NBAS: variants seen among roughly 807,000 people sequenced by gnomAD.
NBAS encodes the protein NAG/BC035112 fusion.
In NBAS, 219 loss-of-function variants were observed where a neutral mutation model predicts 302.5. The ratio of observed to expected loss-of-function variants is 0.72; its 90% confidence interval spans 0.65 to 0.81. The LOEUF is 0.81. Ranked by LOEUF, NBAS falls within the 30% of genes least tolerant of loss-of-function variation. The pLI is 0.00. For missense variants in NBAS, 2,932 were observed against 2,841.6 expected, an observed-to-expected ratio of 1.03 and a Z score of -0.72; for synonymous variants, 1,118 against 1,021.6, an observed-to-expected ratio of 1.09 and a Z score of -1.80.
At chr2:14,864,861 T>A in the NBAS span, among the ~76,000 whole-genome samples, 1 of 152,212 alleles carries the variant, frequency 6.6e-6, no homozygotes, top group Non-Finnish European at 1.5e-5. Flanking sequence ...GAACAGAACC[T>A]GCCATGTAGT....
chr2:14,880,387 G>A, the NBAS span, among the ~76,000 whole-genome samples: 1 of 151,544 alleles, frequency 6.6e-6, no homozygotes, highest in African/African-American at 2.4e-5. Context: ...ATAAAATAAA[G>A]GAAAACTATG....
In NBAS at chr2:15,217,317, T is replaced by C. The variant is rs553231534; in HGVS notation, c.6432+1456A>G. Among the ~76,000 whole-genome samples, 60 of 152,372 alleles carry C rather than the reference T, an allele frequency of 3.9e-4. 1 individual carries two copies. Among genetic ancestry groups the C allele is most frequent in the African/African-American group, 1.4e-3 (59 of 41,600 alleles). Reference sequence around the variant, plus strand: ...GAATCTTTGATAGGTCTATCTTTTTTGAATCTCAATTTCTCTAACTCTGAA... The same window carrying C: ...GAATCTTTGATAGGTCTATCTTTTTCGAATCTCAATTTCTCTAACTCTGAA... On this transcript the variant is annotated intron_variant, in intron 48 of 51. Coordinates refer to ENST00000281513, the MANE Select transcript of NBAS (RefSeq NM_015909.4).
At chr2:15,532,686 G>A (rs567841074) in intron 9 of NBAS, among the ~76,000 whole-genome samples, 2 of 152,072 alleles carry the variant, frequency 1.3e-5, no homozygotes, top group South Asian at 4.1e-4. Context: ...TTATTTAAAT[G>A]TATGAAAACA....
At chr2:15,503,121 C>A (rs746193157) in intron 11 of NBAS, among the ~76,000 whole-genome samples, 1 of 152,128 alleles carries the variant, frequency 6.6e-6, no homozygotes, top group Non-Finnish European at 1.5e-5. Flanking sequence ...CATCTTATCC[C>A]GCTGGAAGGT....
the NBAS span, among the ~76,000 whole-genome samples, chr2:14,788,322 G>A: frequency 2.2e-4 from 34 of 152,078 alleles, no homozygotes; most frequent in East Asian, 4.5e-3. Context: ...CTCTCAACTC[G>A]TCAAAGTCAT....
chr2:15,122,595 T>C, the NBAS span, among the ~76,000 whole-genome samples: 1 of 151,896 alleles, frequency 6.6e-6, no homozygotes, highest in Admixed American at 6.6e-5. Flanking sequence ...ATCCAAACCA[T>C]ATCAAGGAGA....
chr2:15,402,503 A>G, intron 25 of NBAS, among the ~76,000 whole-genome samples: 1 of 152,172 alleles, frequency 6.6e-6, no homozygotes, highest in East Asian at 1.9e-4. Flanking sequence ...ACTATAAAAG[A>G]TAATTTGTAA....
chr2:15,253,667 T>A (rs901611498), intron 44 of NBAS, among the ~76,000 whole-genome samples: 2 of 152,200 alleles, frequency 1.3e-5, no homozygotes, highest in African/African-American at 4.8e-5. Flanking sequence ...AACTCCCCTT[T>A]GACAACAGCC....
intron 32 of NBAS, among the ~76,000 whole-genome samples, chr2:15,361,605 G>T (rs1298446666): frequency 3.9e-5 from 6 of 152,134 alleles, no homozygotes; most frequent in African/African-American, 1.4e-4. Flanking sequence ...CAAATACAAT[G>T]TAATTTGGAT....
chr2:15,179,153 G>A (rs201808500), intron 50 of NBAS, 37 bp from the exon 51 acceptor site: 23 of 1,613,368 alleles, frequency 1.4e-5, no homozygotes, highest in African/African-American at 8.0e-5. Context: ...AGAACTCCAC[G>A]ACGTACTTCT....
the NBAS span, among the ~76,000 whole-genome samples, chr2:14,912,201 G>T: frequency 4.6e-5 from 7 of 152,186 alleles, no homozygotes; most frequent in Admixed American, 1.3e-4. Context: ...GATCGCCGTT[G>T]TATATGCAGT....
intron 38 of NBAS, among the ~76,000 whole-genome samples, chr2:15,320,365 C>T (rs563393369): frequency 1.3e-5 from 2 of 152,142 alleles, no homozygotes; most frequent in Non-Finnish European, 2.9e-5. Flanking sequence ...TCTCACCACA[C>T]CTATTCAACA....
At chr2:15,292,417 C>A in intron 41 of NBAS, 120 bp downstream of exon 41, 1 of 1,032,448 alleles carries the variant, frequency 9.7e-7, no homozygotes, top group Non-Finnish European at 1.5e-6. Flanking sequence ...TGGGGAAAGC[C>A]CTATTCATAG....
At chr2:15,360,864 C>G (rs1673881618) in intron 32 of NBAS, among the ~76,000 whole-genome samples, 1 of 152,052 alleles carries the variant, frequency 6.6e-6, no homozygotes, top group Non-Finnish European at 1.5e-5. Context: ...TCCTGAAGGA[C>G]CTGCCTGAGG....
At chr2:15,278,078 A>G (rs932545292) in intron 42 of NBAS, among the ~76,000 whole-genome samples, 15 of 152,194 alleles carry the variant, frequency 9.9e-5, no homozygotes, top group Admixed American at 9.8e-4. Flanking sequence ...AAAGTTCTAA[A>G]GCAGCTCCTC....
At chr2:15,088,413 C>A in the NBAS span, among the ~76,000 whole-genome samples, 1 of 152,172 alleles carries the variant, frequency 6.6e-6, no homozygotes, top group Admixed American at 6.5e-5. Flanking sequence ...TGTTTCTCTG[C>A]AAAGGCTCAG....
At chr2:15,280,613 GTTCGGCTTTCTGCTTC>G (rs1387264502) in intron 42 of NBAS, among the ~76,000 whole-genome samples, 50 of 152,174 alleles carry the variant, frequency 3.3e-4, no homozygotes, top group Non-Finnish European at 1.6e-4. Context: ...AGTCTTTCAA[GTTCGGCTTTCTGCTTC>G]TACTCAATAA....
intron 11 of NBAS, among the ~76,000 whole-genome samples, chr2:15,492,543 GCCTCCCAGGCTCAAGTGAT>G (rs1680904132): frequency 6.6e-6 from 1 of 152,064 alleles, no homozygotes; most frequent in Non-Finnish European, 1.5e-5. Context: ...TGCAACCTCT[GCCTCCCAGGCTCAAGTGAT>G]CCTCCCACTT....
At chr2:14,794,051 A>T in the NBAS span, among the ~76,000 whole-genome samples, 9 of 152,070 alleles carry the variant, frequency 5.9e-5, no homozygotes, top group Non-Finnish European at 1.2e-4. Context: ...AAGACTGCCT[A>T]AAAAAAATTC....
Sources: gnomAD v4.1 joint callset for allele counts (sites outside exome capture counted in the v4.1 genomes callset) on GRCh38, gnomAD v4.1.1 for gene constraint, MANE v1.5 for transcripts, NCBI Gene and HGNC (gene_info 2026-07-23, HGNC 2026-07-21) for gene names.